The following USH1C variants were observed in gnomAD, a reference collection of about 807,000 sequenced individuals.
USH1C encodes the protein USH1 protein network component harmonin, also known as harmonin.
A neutral mutation model predicts 119.3 loss-of-function variants in USH1C; 90 were observed. That is an observed-to-expected ratio of 0.75 (90% CI 0.64 to 0.90). The LOEUF (loss-of-function observed/expected upper bound fraction) is 0.90, where lower values mean the gene tolerates loss of function less well. USH1C is among the 40% of genes least tolerant of loss of function. USH1C has a pLI of 0.00. For missense variants in USH1C, 1,165 were observed against 1,167.7 expected, an observed-to-expected ratio of 1.00 and a Z score of 0.03; for synonymous variants, 465 against 443.3, an observed-to-expected ratio of 1.05 and a Z score of -0.62.
At chr11:17,503,884 C>T (rs1849538535) in intron 20 of USH1C, among the ~76,000 whole-genome samples, 2 of 152,214 alleles carry the variant, frequency 1.3e-5, no homozygotes, top group South Asian at 4.1e-4. Context: ...TTTGCCAACA[C>T]CTATGTCTCA....
In USH1C at chr11:17,509,446, G is replaced by A. The variant is rs1419455148; in HGVS notation, c.1923C>T (p.Gly641=). 2 of 1,612,354 alleles carry A rather than the reference G, an allele frequency of 1.2e-6. No individual in the cohort carries two copies. Among genetic ancestry groups the A allele is most frequent in the Middle Eastern group, 1.7e-4 (1 of 6,058 alleles). Residue 641 remains glycine, a synonymous_variant, in exon 18 of 27, where the codon GGC becomes GGT. Coordinates refer to ENST00000005226, the MANE Select transcript of USH1C (RefSeq NM_153676.4). ...TTGCCTCCCAGTCCTCCACTGGATT[G>A]CCTGTGTCCCCAGTGCGGAAGGGAT... ...SNHPFRTGDT[G]NPVEDWEAKN... is the part of the protein sequence containing the mutation.
intron 9 of USH1C, among the ~76,000 whole-genome samples, chr11:17,524,170 A>G (rs1277909724): frequency 6.6e-6 from 1 of 152,228 alleles, no homozygotes; most frequent in Admixed American, 6.5e-5. Context: ...AAGGGCATGG[A>G]ACAATGTCTG....
intron 23 of USH1C, 40 bp downstream of exon 23, chr11:17,501,011 G>C: frequency 1.9e-6 from 3 of 1,571,288 alleles, no homozygotes; most frequent in Non-Finnish European, 1.7e-6. Context: ...TCTAACCACT[G>C]TATCATCCCC....
chr11:17,531,502 C>G lies in USH1C; in HGVS notation c.145G>C (p.Val49Leu), dbSNP rs146817459. 5.6e-6 allele frequency: 9 copies of G among 1,613,760 alleles called. No individual in the cohort carries two copies. Among genetic ancestry groups the G allele is most frequent in the Non-Finnish European group, 7.6e-6 (9 of 1,180,032 alleles). The change falls in exon 3 of 27, where the codon GTC becomes CTC. Residue 49 changes from valine to leucine, a missense_variant. Physicochemically the swap from Val to Leu is conservative, Grantham distance 32. Transcript: ENST00000005226. The surrounding 1 kb of genome is among the most constrained non-coding windows in gnomAD (Gnocchi z 4.2). Reference sequence around the variant, plus strand: ...GGCAGACGGCTGGGTTCATTGATGACCAGCTTCAGGTCTCCCACGAGCACG... The same window carrying G: ...GGCAGACGGCTGGGTTCATTGATGAGCAGCTTCAGGTCTCCCACGAGCACG... ...VAVLVGDLKL[V>L]INEPSRLPLF...
chr11:17,534,331 C>T (rs930644694), intron 1 of USH1C, among the ~76,000 whole-genome samples: 5 of 152,224 alleles, frequency 3.3e-5, no homozygotes, highest in East Asian at 1.9e-4. Flanking sequence ...GCAGTCTGTC[C>T]GTCCCACCAC....
At chr11:17,499,314 C>T (rs1849353950) in intron 23 of USH1C, among the ~76,000 whole-genome samples, 1 of 152,218 alleles carries the variant, frequency 6.6e-6, no homozygotes, top group South Asian at 2.1e-4. Flanking sequence ...TGGCTTAAAA[C>T]ACACGTGCTC....
chr11:17,497,191 A>C lies in USH1C; in HGVS notation c.2491-378T>G, dbSNP rs191007414. 7.1e-3 allele frequency among the ~76,000 whole-genome samples: 1,074 copies of C among 152,302 alleles called. 16 individuals are homozygous for C. The highest frequency in any genetic ancestry group is 0.025 in the African/African-American group (1,026 of 41,558). On this transcript the variant is annotated intron_variant, in intron 24 of 26. Transcript: ENST00000005226. The stretch of plus-strand genomic sequence containing the variant: ...AGTACTTTTAACAACCTCTCTGGGT[A>C]ATTCCGACGCACTTTCTGATGCACA...
chr11:17,517,338 C>A, intron 14 of USH1C: 2 of 1,517,836 alleles, frequency 1.3e-6, no homozygotes, highest in South Asian at 2.4e-5. Context: ...GCACTGCGGT[C>A]AGGAGGAGGC....
intron 14 of USH1C, among the ~76,000 whole-genome samples, chr11:17,517,971 A>C (rs2133855549): frequency 1.3e-5 from 2 of 152,336 alleles, no homozygotes; most frequent in Admixed American, 1.3e-4. Context: ...ACATCCCAAA[A>C]GGTAAAAGGG....
At chr11:17,502,010 C>T in intron 20 of USH1C, 30 bp from the exon 21 acceptor site, 3 of 1,612,032 alleles carry the variant, frequency 1.9e-6, no homozygotes, top group Non-Finnish European at 2.5e-6. Context: ...TTTAGGGCAA[C>T]ACAGCAGAGG....
At chr11:17,505,395 T>A (rs1047991166) in intron 19 of USH1C, among the ~76,000 whole-genome samples, 2 of 152,208 alleles carry the variant, frequency 1.3e-5, no homozygotes, top group Admixed American at 6.5e-5. Context: ...ATGAAAGGCA[T>A]GAGGGTAAGT....
chr11:17,532,099 A>G (rs1851014365), intron 2 of USH1C, among the ~76,000 whole-genome samples: 1 of 152,132 alleles, frequency 6.6e-6, no homozygotes, highest in Non-Finnish European at 1.5e-5. Context: ...CAGCAGGCTC[A>G]AGGCCCTCCA....
intron 1 of USH1C, among the ~76,000 whole-genome samples, chr11:17,534,684 C>T (rs1011348631): frequency 1.3e-5 from 2 of 152,088 alleles, no homozygotes; most frequent in African/African-American, 4.8e-5. Flanking sequence ...AGACCAGCCT[C>T]GCTAACATGG....
Position 17,494,153 on chromosome 11 carries a change from T to G in USH1C, c.*179A>C, listed in dbSNP as rs1324981076. 3 of 741,404 alleles carry G rather than the reference T, an allele frequency of 4.0e-6. No homozygotes were observed. Among genetic ancestry groups the G allele is most frequent in the Non-Finnish European group, 6.9e-6 (3 of 433,638 alleles). 45.9% of individuals were successfully genotyped at this position (741,404 alleles called of 1,614,324 possible). ...CTGCTCCCTTTCCTCCACGTTGGCC[T>G]TCAGAAGAGTGGCCCGAGCTGTTCC... On this transcript the variant is annotated 3_prime_UTR_variant, in exon 27 of 27. Transcript: ENST00000005226.
chr11:17,517,406 C>T, intron 14 of USH1C: 5 of 1,583,302 alleles, frequency 3.2e-6, no homozygotes, highest in Non-Finnish European at 4.3e-6. Flanking sequence ...CGAACCTGCT[C>T]TCCCTGCTCC....
chr11:17,540,737 C>T (rs1851431465), intron 1 of USH1C, among the ~76,000 whole-genome samples: 2 of 152,190 alleles, frequency 1.3e-5, no homozygotes. Flanking sequence ...TAACATGTAT[C>T]CTGAATCCGA....
At chr11:17,542,265 G>A (rs947044927) in intron 1 of USH1C, among the ~76,000 whole-genome samples, 12 of 152,238 alleles carry the variant, frequency 7.9e-5, no homozygotes, top group African/African-American at 2.9e-4. Flanking sequence ...CACTAAGGAA[G>A]GGACCCCTAC....
chr11:17,522,769 G>A lies in USH1C; in HGVS notation c.1019+15C>T. The A allele has an allele frequency of 6.2e-7, 1 of 1,613,788 alleles. No individual in the cohort carries two copies. ...TGGGAGGCGGGACAGGGCATCCAGGGCTGGCTGCACTCACTGCCGCTCCAT... is the reference window on the plus strand; with the variant it reads ...TGGGAGGCGGGACAGGGCATCCAGGACTGGCTGCACTCACTGCCGCTCCAT... On this transcript the variant is annotated intron_variant, in intron 12 of 26. Transcript: ENST00000005226.
At chr11:17,519,877 G>T (rs1002147770) in intron 14 of USH1C, among the ~76,000 whole-genome samples, 7 of 152,130 alleles carry the variant, frequency 4.6e-5, no homozygotes, top group Non-Finnish European at 1.0e-4. Context: ...CATTCCCATA[G>T]GTCTCATATG....
Sources: gnomAD v4.1 joint callset for allele counts (sites outside exome capture counted in the v4.1 genomes callset) on GRCh38, gnomAD v4.1.1 for gene constraint, Gnocchi (gnomAD v3.1) non-coding constraint, MANE v1.5 for transcripts, NCBI Gene and HGNC (gene_info 2026-07-23, HGNC 2026-07-21) for gene names.